Variants in SLC66A1 observed in about 807,000 individuals in gnomAD.
SLC66A1 encodes the protein solute carrier family 66 member 1, also known as lysosomal amino acid transporter 1 homolog.
Under a neutral mutation model 33.0 loss-of-function variants are expected in SLC66A1, and 23 were observed. The observed-to-expected ratio is 0.70, with a 90% CI of 0.50 to 0.99. SLC66A1 has a LOEUF of 0.99. SLC66A1 is among the 50% of genes least tolerant of loss of function. The pLI is 0.00. For missense variants in SLC66A1, 335 were observed against 383.6 expected, an observed-to-expected ratio of 0.87 and a Z score of 1.06; for synonymous variants, 164 against 175.5, an observed-to-expected ratio of 0.93 and a Z score of 0.52.
downstream of SLC66A1, among the ~76,000 whole-genome samples, chr1:19,330,361 A>C (rs1300007812): frequency 1.3e-5 from 2 of 152,168 alleles, no homozygotes; most frequent in African/African-American, 4.8e-5. Flanking sequence ...GCCCCGGAGA[A>C]GGGAAACGGT....
Position 19,321,606 on chromosome 1 carries a change from G to C in SLC66A1, c.165-3027G>C, listed in dbSNP as rs2093838109. ...TCTTGAGACACAGTCTTGCTCTGTT[G>C]TTCAGGCTGGAGTGCAGTGGTGCGA... On this transcript the variant is annotated intron_variant, in intron 2 of 7. Coordinates refer to ENST00000375153, the MANE Select transcript of SLC66A1 (RefSeq NM_001040125.2). 2.1e-5 allele frequency among the ~76,000 whole-genome samples: 3 copies of C among 142,198 alleles called. No homozygotes were observed. The South Asian group carries it at 6.6e-4, about 31-fold the overall frequency. 93.3% of individuals were successfully genotyped at this position (142,198 alleles called of 152,430 possible).
chr1:19,332,869 C>A (rs1003876786), downstream of SLC66A1, among the ~76,000 whole-genome samples: 3 of 152,152 alleles, frequency 2.0e-5, no homozygotes, highest in Non-Finnish European at 4.4e-5. Context: ...TACCAGTTGC[C>A]CTTGTCCAGG....
rs748467022 is a variant in SLC66A1, at chr1:19,326,623, C to T, written c.618C>T (p.Asn206=). 5.0e-6 allele frequency: 8 copies of T among 1,613,860 alleles called. No individual in the cohort carries two copies. The highest frequency in any genetic ancestry group is 4.4e-5 in the South Asian group (4 of 91,092). ...CCCGGCTGCCTCAGATCCGCACCAA[C>T]GTGAGCCTCCAGCAGGGGCTGGGTG... is the stretch of plus-strand genomic sequence containing the variant. The part of the protein sequence containing the change: ...LLSRLPQIRT[N]FLRKSTQGIS... Residue 206 remains asparagine, a splice_region_variant and synonymous_variant, in exon 6 of 8, where the codon AAC becomes AAT. Coordinates refer to ENST00000375153, the MANE Select transcript of SLC66A1 (RefSeq NM_001040125.2).
intron 1 of SLC66A1, among the ~76,000 whole-genome samples, chr1:19,314,869 G>A (rs752168073): frequency 6.6e-5 from 10 of 151,858 alleles, no homozygotes; most frequent in South Asian, 2.1e-4. Flanking sequence ...CCTTGCAAAC[G>A]TGTAGTTCTC....
At chr1:19,323,790 T>C (rs148311707) in intron 2 of SLC66A1, among the ~76,000 whole-genome samples, 24 of 152,292 alleles carry the variant, frequency 1.6e-4, no homozygotes, top group African/African-American at 5.5e-4. Flanking sequence ...AATGGCAGTA[T>C]GTATAATGGT....
chr1:19,331,753 T>C (rs2093893052), downstream of SLC66A1, among the ~76,000 whole-genome samples: 1 of 152,230 alleles, frequency 6.6e-6, no homozygotes, highest in South Asian at 2.1e-4. Context: ...CCTGAAGATC[T>C]GGGGGCACAG....
intron 3 of SLC66A1, 88 bp downstream of exon 3, chr1:19,324,850 C>A (rs1005745057): frequency 1.3e-6 from 2 of 1,508,046 alleles, no homozygotes; most frequent in African/African-American, 2.7e-5. Context: ...CTCTTTGGCC[C>A]GCCTGGTCTC....
downstream of SLC66A1, among the ~76,000 whole-genome samples, chr1:19,330,751 C>T (rs781675537): frequency 2.0e-5 from 3 of 152,160 alleles, no homozygotes; most frequent in Non-Finnish European, 4.4e-5. Flanking sequence ...GGGGCACACC[C>T]AGCAGCAGCC....
chr1:19,323,060 G>A (rs2093846000), intron 2 of SLC66A1, among the ~76,000 whole-genome samples: 1 of 151,606 alleles, frequency 6.6e-6, no homozygotes, highest in Non-Finnish European at 1.5e-5. Flanking sequence ...TTTTTTTTTG[G>A]TAGAGACAGG....
intron 2 of SLC66A1, among the ~76,000 whole-genome samples, chr1:19,322,674 G>A (rs185760156): frequency 1.3e-5 from 2 of 152,238 alleles, no homozygotes; most frequent in South Asian, 2.1e-4. Flanking sequence ...CCTGAGACGG[G>A]AAAGATGACT....
At position 19,312,752 on chromosome 1, in the gene SLC66A1, C is replaced by T; in HGVS notation, c.-216C>T. On this transcript the variant is annotated 5_prime_UTR_variant, in exon 1 of 8. Coordinates refer to ENST00000375153, the MANE Select transcript of SLC66A1 (RefSeq NM_001040125.2). ...AGGCGGCCCGCGCCGGGCTGAGTCA[C>T]CAGGAGGGAGCTGTGGCCGAGGACG... is the stretch of plus-strand genomic sequence containing the variant. 6.5e-6 allele frequency: 1 copy of T among 153,072 alleles called. No individual in the cohort carries two copies. Among genetic ancestry groups the T allele is most frequent in the Non-Finnish European group, 1.5e-5 (1 of 68,258 alleles). The allele number at this position is 153,072 out of a possible 1,614,324, so 9.5% of individuals were successfully genotyped here. A position where few individuals can be genotyped will look rare whatever the true frequency, so the allele number is the denominator to read the frequency against.
chr1:19,327,546 T>TCCCC (rs2093875487), intron 7 of SLC66A1, 134 bp downstream of exon 7: 4 of 835,114 alleles, frequency 4.8e-6, no homozygotes, highest in East Asian at 3.3e-5. Context: ...CCTCCCTCCC[T>TCCCC]CCCTCCCTCC....
chr1:19,323,726 G>A (rs3790775), intron 2 of SLC66A1, among the ~76,000 whole-genome samples: 38,590 of 152,098 alleles, frequency 0.25, 5,128 homozygotes, highest in South Asian at 0.33. Context: ...GTTTCTTTCT[G>A]TCTGTCTGTT....
chr1:19,327,558 T>TCC (rs1553263898), intron 7 of SLC66A1, 146 bp downstream of exon 7: 199 of 831,250 alleles, frequency 2.4e-4, no homozygotes, highest in Non-Finnish European at 3.2e-4. Context: ...CCTCCCTCCA[T>TCC]CTGTTCACCC....
At chr1:19,324,493 G>A in intron 2 of SLC66A1, 140 bp from the exon 3 acceptor site, 1 of 1,038,658 alleles carries the variant, frequency 9.6e-7, no homozygotes, top group Non-Finnish European at 1.4e-6. Flanking sequence ...CCGCCCGTGG[G>A]GAGGATGGGC....
In SLC66A1 at chr1:19,328,100, A is replaced by C. The variant is rs2093879125; in HGVS notation, c.805-472A>C. The C allele has an allele frequency of 3.7e-6, 1 of 267,336 alleles. No homozygotes were observed. The highest frequency in any genetic ancestry group is 2.3e-5 in the African/African-American group (1 of 44,372). 16.6% of individuals were successfully genotyped at this position (267,336 alleles called of 1,614,324 possible). A position where few individuals can be genotyped will look rare whatever the true frequency, so the allele number is the denominator to read the frequency against. ...AGGACCCCGTTTTCAGTGAGGGCTC[A>C]GAAAGTGTTTGCTGAATGGCTGTAA... On this transcript the variant is annotated intron_variant, in intron 7 of 7. Coordinates refer to ENST00000375153, the MANE Select transcript of SLC66A1 (RefSeq NM_001040125.2). This position sits in a 1 kb window ranked among gnomAD's most constrained non-coding sequence, Gnocchi z 4.7.
chr1:19,316,675 T>C (rs1490599423), intron 1 of SLC66A1, among the ~76,000 whole-genome samples: 1 of 139,608 alleles, frequency 7.2e-6, no homozygotes, highest in African/African-American at 3.3e-5. Flanking sequence ...CCTTATTTTG[T>C]TGTTGTTTTG....
chr1:19,317,520 G>T, intron 1 of SLC66A1, 80 bp from the exon 2 acceptor site: 1 of 1,420,870 alleles, frequency 7.0e-7, no homozygotes, highest in South Asian at 1.5e-5. Context: ...TGAAAAGGCT[G>T]GGATGAGCTT....
At chr1:19,314,017 G>T (rs191738418) in intron 1 of SLC66A1, among the ~76,000 whole-genome samples, 1 of 152,362 alleles carries the variant, frequency 6.6e-6, no homozygotes. Flanking sequence ...CTCCAAGGGT[G>T]ATTCCAGGGT....
Sources: gnomAD v4.1 joint callset for allele counts (sites outside exome capture counted in the v4.1 genomes callset) on GRCh38, gnomAD v4.1.1 for gene constraint, Gnocchi (gnomAD v3.1) non-coding constraint, MANE v1.5 for transcripts, NCBI Gene and HGNC (gene_info 2026-07-23, HGNC 2026-07-21) for gene names.